Variants in WWOX observed in about 807,000 individuals in gnomAD.
WWOX encodes WW domain-containing oxidoreductase.
WWOX carries 69 observed loss-of-function variants against 46.2 expected under a neutral mutation model. The observed-to-expected ratio is 1.49, with a 90% CI of 1.23 to 1.82. WWOX has a LOEUF of 1.82. Among genes scored for constraint, WWOX ranks in the 40% most tolerant of loss-of-function variants. The probability of loss-of-function intolerance (pLI) is 0.00; values close to 1 mark genes in which losing one functional copy is unlikely to be tolerated. For missense variants in WWOX, 919 were observed against 542.6 expected, an observed-to-expected ratio of 1.69 and a Z score of -6.89; for synonymous variants, 359 against 202.6, an observed-to-expected ratio of 1.77 and a Z score of -6.56.
chr16:78,633,473 A>C (rs1597374960), intron 8 of WWOX, among the ~76,000 whole-genome samples: 1 of 152,104 alleles, frequency 6.6e-6, no homozygotes, highest in Non-Finnish European at 1.5e-5. Flanking sequence ...TTAAAACAGA[A>C]CCACGAGTTC....
intron 8 of WWOX, among the ~76,000 whole-genome samples, chr16:78,564,243 A>G (rs962076003): frequency 6.6e-5 from 10 of 152,244 alleles, no homozygotes; most frequent in African/African-American, 2.4e-4. Flanking sequence ...GCAAAATTGA[A>G]TGGAGACAAT....
chr16:78,554,371 T>C (rs566658666), intron 8 of WWOX, among the ~76,000 whole-genome samples: 1 of 152,266 alleles, frequency 6.6e-6, no homozygotes, highest in Admixed American at 6.5e-5. Flanking sequence ...ATCACCAAGG[T>C]CTGATCGTGA....
chr16:79,169,969 G>A (rs13332436), intron 8 of WWOX, among the ~76,000 whole-genome samples: 10 of 152,048 alleles, frequency 6.6e-5, no homozygotes, highest in African/African-American at 2.4e-4. Context: ...TGTTGACCAG[G>A]CTTGGGTGCT....
intron 8 of WWOX, among the ~76,000 whole-genome samples, chr16:78,504,291 G>C (rs1019640339): frequency 6.6e-6 from 1 of 152,194 alleles, no homozygotes; most frequent in Non-Finnish European, 1.5e-5. Context: ...GGGGGAAAAG[G>C]TTTAAAAACA....
chr16:79,011,475 A>ATTTG (rs1407231519), intron 8 of WWOX, among the ~76,000 whole-genome samples: 3 of 144,622 alleles, frequency 2.1e-5, no homozygotes, highest in Non-Finnish European at 4.5e-5. Flanking sequence ...TTATTTATTT[A>ATTTG]TTTATTTATT....
intron 8 of WWOX, among the ~76,000 whole-genome samples, chr16:79,093,136 A>G (rs1196175527): frequency 6.6e-6 from 1 of 152,226 alleles, no homozygotes; most frequent in East Asian, 1.9e-4. Flanking sequence ...TACATCAATG[A>G]AAAGAATGAC....
At chr16:78,363,455 A>T (rs1005293145) in intron 5 of WWOX, among the ~76,000 whole-genome samples, 5 of 127,860 alleles carry the variant, frequency 3.9e-5, no homozygotes, top group African/African-American at 5.9e-5. Flanking sequence ...TTAAAAAAAA[A>T]TTTTGTAGTG....
At chr16:78,235,073 C>T (rs2037391368) in intron 5 of WWOX, among the ~76,000 whole-genome samples, 1 of 152,016 alleles carries the variant, frequency 6.6e-6, no homozygotes, top group African/African-American at 2.4e-5. Flanking sequence ...AAAATACACA[C>T]ACACACGTAA....
chr16:79,130,974 G>A (rs892238064), intron 8 of WWOX, among the ~76,000 whole-genome samples: 3 of 152,144 alleles, frequency 2.0e-5, no homozygotes, highest in African/African-American at 7.2e-5. Flanking sequence ...TGAGATGTGT[G>A]GGATATCATA....
intron 5 of WWOX, among the ~76,000 whole-genome samples, chr16:78,353,806 G>C (rs2151908056): frequency 1.3e-5 from 2 of 152,328 alleles, no homozygotes; most frequent in East Asian, 3.9e-4. Flanking sequence ...TCAGCAGTTA[G>C]CGTCAAGTTG....
intron 8 of WWOX, among the ~76,000 whole-genome samples, chr16:78,780,084 G>A (rs2050286446): frequency 6.6e-6 from 1 of 152,220 alleles, no homozygotes; most frequent in Admixed American, 6.5e-5. Context: ...TAATGGTGTG[G>A]CCATGGTTCT....
At chr16:78,753,480 A>G (rs1164495674) in intron 8 of WWOX, among the ~76,000 whole-genome samples, 1 of 152,072 alleles carries the variant, frequency 6.6e-6, no homozygotes, top group African/African-American at 2.4e-5. Flanking sequence ...ATATTACTGC[A>G]GAGTTTTAGT....
chr16:78,781,449 G>A (rs1038372178), intron 8 of WWOX, among the ~76,000 whole-genome samples: 6 of 152,244 alleles, frequency 3.9e-5, no homozygotes, highest in African/African-American at 1.4e-4. Context: ...CAGGAAGGAG[G>A]CTGCATTCAT....
At chr16:78,401,468 G>A (rs1347402345) in intron 6 of WWOX, among the ~76,000 whole-genome samples, 1 of 152,144 alleles carries the variant, frequency 6.6e-6, no homozygotes, top group African/African-American at 2.4e-5. Context: ...TAAAAAAAGA[G>A]TAACCTATTT....
At chr16:78,201,569 A>T (rs760736421) in intron 5 of WWOX, among the ~76,000 whole-genome samples, 3 of 152,190 alleles carry the variant, frequency 2.0e-5, no homozygotes, top group Non-Finnish European at 2.9e-5. Context: ...GTCCTACCTC[A>T]GCCATGCCTA....
At chr16:78,707,257 T>G (rs575685635) in intron 8 of WWOX, among the ~76,000 whole-genome samples, 55 of 152,286 alleles carry the variant, frequency 3.6e-4, no homozygotes, top group African/African-American at 1.3e-3. Context: ...TCAGATATAT[T>G]AAAAAGCTAT....
intron 8 of WWOX, among the ~76,000 whole-genome samples, chr16:79,080,866 G>T (rs925407120): frequency 6.6e-6 from 1 of 152,136 alleles, no homozygotes; most frequent in Non-Finnish European, 1.5e-5. Context: ...AAGGCATTTT[G>T]TATATTTGGC....
intron 8 of WWOX, among the ~76,000 whole-genome samples, chr16:78,459,530 T>C (rs1193650198): frequency 6.6e-6 from 1 of 152,302 alleles, no homozygotes; most frequent in East Asian, 1.9e-4. Context: ...ATGTTTTCCT[T>C]AAACTCTGTG....
At chr16:78,914,943 G>T (rs7205456) in intron 8 of WWOX, among the ~76,000 whole-genome samples, 4,861 of 150,862 alleles carry the variant, frequency 0.032, 254 homozygotes, top group African/African-American at 0.11. Flanking sequence ...CTGTGGTCTG[G>T]CCTGGTGGAG....
Sources: allele counts gnomAD v4.1 joint callset (sites outside exome capture counted in the v4.1 genomes callset), GRCh38; gene constraint gnomAD v4.1.1; transcripts MANE v1.5; gene names NCBI Gene and HGNC (gene_info 2026-07-23, HGNC 2026-07-21).